AGBL1: variants seen among roughly 807,000 people sequenced by gnomAD.
AGBL1 encodes the protein cytosolic carboxypeptidase 4.
In AGBL1, 130 loss-of-function variants were observed where a neutral mutation model predicts 118.9. The observed-to-expected ratio is 1.09, with a 90% CI of 0.95 to 1.26. The LOEUF (loss-of-function observed/expected upper bound fraction) is 1.26, where lower values mean the gene tolerates loss of function less well. Ranked by LOEUF, AGBL1 falls within the 50% of genes most tolerant of loss-of-function variation. The pLI is 0.00. For missense variants in AGBL1, 1,584 were observed against 1,298.1 expected (o/e 1.22, Z -3.38); for synonymous variants, 555 against 478.9 (o/e 1.16, Z -2.08).
intron 6 of AGBL1, among the ~76,000 whole-genome samples, chr15:86,225,516 T>A (rs1026035280): frequency 4.6e-5 from 7 of 152,200 alleles, no homozygotes; most frequent in African/African-American, 1.7e-4. Flanking sequence ...CTCAGTTACT[T>A]GAGTGATTGC....
intron 21 of AGBL1, among the ~76,000 whole-genome samples, chr15:86,573,612 C>T (rs567235928): frequency 6.6e-6 from 1 of 152,326 alleles, no homozygotes; most frequent in Admixed American, 6.5e-5. Context: ...GTATTCTAAT[C>T]TCCCCATAGA....
downstream of AGBL1, among the ~76,000 whole-genome samples, chr15:86,920,532 G>A (rs2080472762): frequency 6.6e-6 from 1 of 152,162 alleles, no homozygotes; most frequent in African/African-American, 2.4e-5. Context: ...GGAAAACACA[G>A]GGCAGATTTC....
At chr15:86,180,995 A>G (rs1170778825) in intron 5 of AGBL1, among the ~76,000 whole-genome samples, 1 of 152,110 alleles carries the variant, frequency 6.6e-6, no homozygotes, top group African/African-American at 2.4e-5. Context: ...TAGAATGGTT[A>G]GAAATTAAAA....
intron 23 of AGBL1, among the ~76,000 whole-genome samples, chr15:86,936,627 C>T (rs1158841537): frequency 1.3e-5 from 2 of 152,194 alleles, no homozygotes; most frequent in African/African-American, 4.8e-5. Context: ...GGACCTCTTC[C>T]TTATACCATA....
rs1057380525 is a variant in AGBL1 at position 86,914,987 on chromosome 15, T to C, written c.*7693T>C. On this transcript the variant is annotated 3_prime_UTR_variant, in exon 23 of 23. Coordinates refer to ENST00000614907, the MANE Select transcript of AGBL1 (RefSeq NM_001386094.1). ...ATCTCTACCTCCAAATTCCTAAACTTGATTATGCCGATAGTAAACCGGCGT... is the reference window on the plus strand; with the variant it reads ...ATCTCTACCTCCAAATTCCTAAACTCGATTATGCCGATAGTAAACCGGCGT... 2.0e-5 allele frequency: 3 copies of C among 152,116 alleles called. No homozygotes were observed. The highest frequency in any genetic ancestry group is 7.2e-5 in the African/African-American group (3 of 41,422). 9.4% of individuals were successfully genotyped at this position (152,116 alleles called of 1,614,324 possible). A position where few individuals can be genotyped will look rare whatever the true frequency, so the allele number is the denominator to read the frequency against.
chr15:86,642,238 G>C lies in AGBL1; in HGVS notation c.2995-32035G>C, dbSNP rs538354046. Among the ~76,000 whole-genome samples the C allele has an allele frequency of 2.6e-5, 4 of 152,218 alleles. No homozygotes were observed. In the East Asian group the frequency reaches 7.7e-4, roughly 29 times the overall value. On this transcript the variant is annotated intron_variant, in intron 21 of 22. Coordinates refer to ENST00000614907, the MANE Select transcript of AGBL1 (RefSeq NM_001386094.1). ...ATAATCAGAAGGGTTGAAGAATTTGGAACAATAAAGAGATCTGCCATGCAT... is the reference window on the plus strand; with the variant it reads ...ATAATCAGAAGGGTTGAAGAATTTGCAACAATAAAGAGATCTGCCATGCAT...
At chr15:86,204,103 A>G (rs764382198) in intron 5 of AGBL1, among the ~76,000 whole-genome samples, 36 of 152,216 alleles carry the variant, frequency 2.4e-4, no homozygotes, top group Admixed American at 1.5e-3. Context: ...TGAAAAAAGC[A>G]GGTGGACTGT....
intron 23 of AGBL1, among the ~76,000 whole-genome samples, chr15:86,921,806 TCTTA>T (rs1171699941): frequency 1.3e-5 from 2 of 152,054 alleles, no homozygotes; most frequent in Non-Finnish European, 2.9e-5. Context: ...GTACTCAGAG[TCTTA>T]CTTAGTTATA....
intron 1 of AGBL1, among the ~76,000 whole-genome samples, chr15:86,130,056 C>T (rs1463707393): frequency 6.6e-6 from 1 of 152,126 alleles, no homozygotes; most frequent in African/African-American, 2.4e-5. Context: ...TAACAAAGGT[C>T]AGCAGTCGTG....
intron 22 of AGBL1, among the ~76,000 whole-genome samples, chr15:86,873,096 A>T (rs2079753282): frequency 6.6e-6 from 1 of 152,216 alleles, no homozygotes; most frequent in East Asian, 1.9e-4. Flanking sequence ...CTGAAGAAAA[A>T]AAGCATTTTT....
chr15:86,833,728 C>G (rs2079136845), intron 22 of AGBL1, among the ~76,000 whole-genome samples: 1 of 152,156 alleles, frequency 6.6e-6, no homozygotes, highest in South Asian at 2.1e-4. Context: ...TCACGAACAG[C>G]TGGGACACTA....
At chr15:86,607,622 G>T (rs1371550250) in intron 21 of AGBL1, among the ~76,000 whole-genome samples, 1 of 152,044 alleles carries the variant, frequency 6.6e-6, no homozygotes, top group East Asian at 1.9e-4. Context: ...GGTGTGTAGT[G>T]GTATCTCACT....
intron 18 of AGBL1, among the ~76,000 whole-genome samples, chr15:86,451,683 C>T (rs1417755503): frequency 1.3e-5 from 2 of 152,120 alleles, no homozygotes; most frequent in African/African-American, 2.4e-5. Context: ...GTCCCCTTTT[C>T]CATTTTCCAT....
intron 19 of AGBL1, among the ~76,000 whole-genome samples, chr15:86,523,201 C>A (rs1005697547): frequency 6.6e-6 from 1 of 152,082 alleles, no homozygotes; most frequent in South Asian, 2.1e-4. Context: ...AGGATCATGC[C>A]CACTCTGATG....
intron 17 of AGBL1, among the ~76,000 whole-genome samples, chr15:86,396,531 C>T (rs533609188): frequency 5.4e-4 from 82 of 152,142 alleles, no homozygotes; most frequent in Non-Finnish European, 2.1e-4. Context: ...AGATATTTAA[C>T]TCTTTTGTCA....
chr15:86,690,380 G>C (rs2086142905), intron 22 of AGBL1, among the ~76,000 whole-genome samples: 2 of 152,130 alleles, frequency 1.3e-5, no homozygotes, highest in African/African-American at 4.8e-5. Context: ...TGACAGCATA[G>C]GGAGTTTGTA....
At chr15:86,253,248 T>A (rs2078844945) in intron 7 of AGBL1, among the ~76,000 whole-genome samples, 1 of 152,072 alleles carries the variant, frequency 6.6e-6, no homozygotes, top group Non-Finnish European at 1.5e-5. Flanking sequence ...TCCATCAACT[T>A]TTTTTTGTTT....
At chr15:86,270,954 T>G (rs1038463081) in intron 14 of AGBL1, among the ~76,000 whole-genome samples, 3 of 152,048 alleles carry the variant, frequency 2.0e-5, no homozygotes, top group Non-Finnish European at 4.4e-5. Context: ...AGTAGCATTC[T>G]CTGCATTCCT....
At chr15:86,814,705 C>A (rs2078836023) in intron 22 of AGBL1, among the ~76,000 whole-genome samples, 1 of 152,172 alleles carries the variant, frequency 6.6e-6, no homozygotes, top group African/African-American at 2.4e-5. Flanking sequence ...ATCAGGCCAA[C>A]ATCCAGGGAA....
Sources: gnomAD v4.1 joint callset for allele counts (sites outside exome capture counted in the v4.1 genomes callset) on GRCh38, gnomAD v4.1.1 for gene constraint, MANE v1.5 for transcripts, NCBI Gene and HGNC (gene_info 2026-07-23, HGNC 2026-07-21) for gene names.